Variants in RELN observed in about 807,000 individuals in gnomAD.
RELN encodes the protein reelin.
Under a neutral mutation model 427.6 loss-of-function variants are expected in RELN, and 108 were observed. That is an observed-to-expected ratio of 0.25 (90% CI 0.22 to 0.30). The LOEUF is 0.30. RELN is among the 10% of genes least tolerant of loss of function. The probability of loss-of-function intolerance (pLI) is 1.00; values close to 1 mark genes in which losing one functional copy is unlikely to be tolerated. For synonymous variants in RELN, 1,524 were observed against 1,513.4 expected (o/e 1.01, Z -0.16); for missense variants, 3,715 against 4,302.8 (o/e 0.86, Z 3.82).
intron 25 of RELN, 71 bp from the exon 26 acceptor site, chr7:103,594,563 A>T (rs1246680688): frequency 1.4e-6 from 2 of 1,466,720 alleles, no homozygotes; most frequent in African/African-American, 2.8e-5. Flanking sequence ...CTATTAAAAC[A>T]ACAAGGGTAA....
intron 26 of RELN, among the ~76,000 whole-genome samples, 160 bp downstream of exon 26, chr7:103,594,161 T>C (rs995941565): frequency 3.9e-5 from 6 of 152,218 alleles, no homozygotes; most frequent in African/African-American, 1.4e-4. Context: ...AAATTATCTG[T>C]GAAGTGGTAG....
intron 19 of RELN, among the ~76,000 whole-genome samples, chr7:103,631,110 G>C (rs1011913224): frequency 6.6e-6 from 1 of 151,586 alleles, no homozygotes; most frequent in Non-Finnish European, 1.5e-5. Flanking sequence ...TAAATAATTT[G>C]TACATGGATA....
intron 1 of RELN, among the ~76,000 whole-genome samples, chr7:103,925,020 A>G (rs1795700499): frequency 1.0e-5 from 1 of 96,450 alleles, no homozygotes; most frequent in African/African-American, 4.3e-5. Context: ...ACACACACAC[A>G]CACACACACA....
In RELN at chr7:103,472,666, G is replaced by A; in HGVS notation, c.*146C>T. On this transcript the variant is annotated 3_prime_UTR_variant, in exon 65 of 65. Transcript: ENST00000428762. ...TCATTAGTTCACAGTGTGGGAAAGT[G>A]GTGTACACTCGGTCTTGAGAAGGGC... 2.9e-6 allele frequency: 2 copies of A among 680,676 alleles called. No homozygotes were observed. The highest frequency in any genetic ancestry group is 5.3e-6 in the Non-Finnish European group (2 of 373,850). The allele number at this position is 680,676 out of a possible 1,614,324, so 42.2% of individuals were successfully genotyped here.
At chr7:103,982,540 T>A (rs886473833) in intron 1 of RELN, among the ~76,000 whole-genome samples, 1 of 151,312 alleles carries the variant, frequency 6.6e-6, no homozygotes, top group Admixed American at 6.6e-5. Flanking sequence ...AAGAACAAAG[T>A]GGTGAAGCAG....
intron 31 of RELN, among the ~76,000 whole-genome samples, chr7:103,567,372 A>G (rs111600827): frequency 3.9e-5 from 6 of 152,314 alleles, no homozygotes; most frequent in African/African-American, 1.4e-4. Flanking sequence ...TTCTTGTCCC[A>G]TTCATCCACG....
chr7:103,828,427 T>C (rs949804171), intron 3 of RELN, among the ~76,000 whole-genome samples: 5 of 152,026 alleles, frequency 3.3e-5, no homozygotes, highest in African/African-American at 7.2e-5. Flanking sequence ...CCTAAGTTCA[T>C]TATTTGTCCA....
chr7:103,773,356 CCT>C (rs1299713955), intron 4 of RELN, among the ~76,000 whole-genome samples: 15 of 11,180 alleles, frequency 1.3e-3, no homozygotes, highest in African/African-American at 4.3e-3. Flanking sequence ...TCTCTCTCTC[CCT>C]CTCTCTCTCT....
chr7:103,588,320 T>C (rs934764774), intron 28 of RELN, among the ~76,000 whole-genome samples: 2 of 150,596 alleles, frequency 1.3e-5, no homozygotes, highest in African/African-American at 2.5e-5. Flanking sequence ...ATCTAAAATA[T>C]TCGATCACAT....
chr7:103,554,198 A>C (rs568299158), intron 38 of RELN, among the ~76,000 whole-genome samples: 1 of 150,566 alleles, frequency 6.6e-6, no homozygotes, highest in African/African-American at 2.4e-5. Flanking sequence ...AAAAAGAACC[A>C]CACAAACCAC....
At chr7:103,929,202 C>A (rs1795808461) in intron 1 of RELN, among the ~76,000 whole-genome samples, 1 of 152,148 alleles carries the variant, frequency 6.6e-6, no homozygotes, top group African/African-American at 2.4e-5. Flanking sequence ...ATCCATGAAA[C>A]TGAGAAATAG....
At position 103,495,723 on chromosome 7, in the gene RELN, T is replaced by A; in HGVS notation, c.9369A>T (p.Lys3123Asn). The change falls in exon 57 of 65, where the codon AAA becomes AAT. Residue 3123 changes from lysine to asparagine, a missense_variant and splice_region_variant. By Grantham distance (94) the Lys-to-Asn change is moderately conservative. Transcript: ENST00000428762. ...GTTTTAAAGAGCCACTTTTCCTTAC[T>A]TTAAACTGCATCATGTATCCTGGCT... ...IIQPGYMMQF[K>N]IVVGCEATSC... 3 of 1,614,052 alleles carry A rather than the reference T, an allele frequency of 1.9e-6. No individual in the cohort carries two copies. Among genetic ancestry groups the A allele is most frequent in the Non-Finnish European group, 2.5e-6 (3 of 1,179,976 alleles).
rs533744264 is a variant in RELN, at chr7:103,715,836, T to G, written c.805+7304A>C. Among the ~76,000 whole-genome samples, 3 of 152,356 alleles carry G rather than the reference T, an allele frequency of 2.0e-5. No homozygotes were observed. The South Asian group carries it at 6.2e-4, about 32-fold the overall frequency. On this transcript the variant is annotated intron_variant, in intron 8 of 64. Coordinates refer to ENST00000428762, the MANE Select transcript of RELN (RefSeq NM_005045.4). ...AGCCCACAGTAGTTTCATTGCCATG[T>G]TGCATGAAACACAAGGAAGAGAAAT...
intron 2 of RELN, among the ~76,000 whole-genome samples, chr7:103,835,321 G>A (rs976058730): frequency 6.6e-6 from 1 of 152,214 alleles, no homozygotes; most frequent in African/African-American, 2.4e-5. Context: ...AAAGGGCACA[G>A]AGGATTCTTA....
chr7:103,873,013 CCACAGTG>C (rs1344269948), intron 2 of RELN, among the ~76,000 whole-genome samples: 2 of 151,848 alleles, frequency 1.3e-5, no homozygotes, highest in Non-Finnish European at 2.9e-5. Flanking sequence ...ATCTCTCAGA[CCACAGTG>C]CAATCAAACT....
At chr7:103,679,486 C>G (rs541155808) in intron 11 of RELN, among the ~76,000 whole-genome samples, 1 of 152,322 alleles carries the variant, frequency 6.6e-6, no homozygotes, top group East Asian at 1.9e-4. Context: ...GAACAGAAAT[C>G]TGCTGACAAT....
At position 103,472,642 on chromosome 7, in the gene RELN, C is replaced by G; in HGVS notation, c.*170G>C. The G allele has an allele frequency of 1.6e-6, 1 of 620,932 alleles. No homozygotes were observed. Among genetic ancestry groups the G allele is most frequent in the Non-Finnish European group, 2.9e-6 (1 of 343,672 alleles). The allele number at this position is 620,932 out of a possible 1,614,324, so 38.5% of individuals were successfully genotyped here. On this transcript the variant is annotated 3_prime_UTR_variant, in exon 65 of 65. Coordinates refer to ENST00000428762, the MANE Select transcript of RELN (RefSeq NM_005045.4). Reference sequence around the variant, plus strand: ...ACTTATGAGCAAATAAGTCACTTGTCATTAGTTCACAGTGTGGGAAAGTGG... The same window carrying G: ...ACTTATGAGCAAATAAGTCACTTGTGATTAGTTCACAGTGTGGGAAAGTGG...
At chr7:103,959,101 C>T (rs1272097099) in intron 1 of RELN, among the ~76,000 whole-genome samples, 1 of 151,734 alleles carries the variant, frequency 6.6e-6, no homozygotes, top group East Asian at 1.9e-4. Flanking sequence ...TGCCATCACA[C>T]CTGGCTAATT....
intron 8 of RELN, among the ~76,000 whole-genome samples, chr7:103,717,179 T>A (rs1192255142): frequency 6.6e-6 from 1 of 151,960 alleles, no homozygotes; most frequent in Non-Finnish European, 1.5e-5. Flanking sequence ...CAACAATCTT[T>A]GCCAGAATTT....
Sources: gnomAD v4.1 joint callset for allele counts (sites outside exome capture counted in the v4.1 genomes callset) on GRCh38, gnomAD v4.1.1 for gene constraint, MANE v1.5 for transcripts, NCBI Gene and HGNC (gene_info 2026-07-23, HGNC 2026-07-21) for gene names.